Variants in CEP57L1 observed in about 807,000 individuals in gnomAD.
The protein encoded by CEP57L1 is centrosomal protein 57 like 1, also known as centrosomal protein CEP57L1.
Under a neutral mutation model 61.0 loss-of-function variants are expected in CEP57L1, and 37 were observed. The ratio of observed to expected loss-of-function variants is 0.61; its 90% CI spans 0.47 to 0.80. CEP57L1 has a LOEUF of 0.80. CEP57L1 is among the 30% of genes least tolerant of loss of function. The pLI is 0.00. For missense variants in CEP57L1, 422 were observed against 524.7 expected, an observed-to-expected ratio of 0.80 and a Z score of 1.91; for synonymous variants, 137 against 162.3, an observed-to-expected ratio of 0.84 and a Z score of 1.19.
chr6:109,104,828 C>G (rs1431034617), intron 1 of CEP57L1, among the ~76,000 whole-genome samples: 1 of 152,072 alleles, frequency 6.6e-6, no homozygotes, highest in Non-Finnish European at 1.5e-5. Flanking sequence ...CTCAAGAAGT[C>G]CTCCCACCTC....
intron 1 of CEP57L1, among the ~76,000 whole-genome samples, chr6:109,117,133 A>AAT (rs1168532387): frequency 2.0e-5 from 3 of 152,084 alleles, no homozygotes; most frequent in Non-Finnish European, 4.4e-5. Context: ...TATAATCAGA[A>AAT]ATATATATAT....
chr6:109,095,250 A>T, upstream of CEP57L1: 4 of 985,588 alleles, frequency 4.1e-6, no homozygotes, highest in Non-Finnish European at 4.8e-6. Context: ...GGGAAGGAAA[A>T]AGTAAGACGT....
intron 1 of CEP57L1, among the ~76,000 whole-genome samples, chr6:109,111,275 T>C (rs1328526559): frequency 6.6e-6 from 1 of 152,224 alleles, no homozygotes; most frequent in Non-Finnish European, 1.5e-5. Context: ...GGTATTTTTT[T>C]CTTTTTGTAG....
At chr6:109,121,278 C>T (rs994171802) in intron 1 of CEP57L1, among the ~76,000 whole-genome samples, 1 of 152,160 alleles carries the variant, frequency 6.6e-6, no homozygotes, top group African/African-American at 2.4e-5. Flanking sequence ...GGATGATGTG[C>T]TTGCTGTACA....
At position 109,165,114 on chromosome 6, in the gene CEP57L1, T is replaced by C. The variant is rs577703531; in HGVS notation, c.*2144T>C. Among the ~76,000 whole-genome samples, 2 of 151,466 alleles carry C rather than the reference T, an allele frequency of 1.3e-5. No individual in the cohort carries two copies. Among genetic ancestry groups the C allele is most frequent in the Non-Finnish European group, 2.9e-5 (2 of 67,918 alleles). ...AAAAATTAAAACCATTTTAGGAACA[T>C]GGAATATTTCAACTGAGAATTTTCT... On this transcript the variant is annotated 3_prime_UTR_variant, in exon 11 of 11. Transcript: ENST00000517392.
intron 1 of CEP57L1, among the ~76,000 whole-genome samples, chr6:109,111,546 C>T (rs1771624833): frequency 6.6e-6 from 1 of 152,172 alleles, no homozygotes; most frequent in Non-Finnish European, 1.5e-5. Flanking sequence ...CTGGCCAGAA[C>T]TTCCAATACT....
rs1005482481 is a variant in CEP57L1, at chr6:109,165,851, A to T, written c.*2881A>T. On this transcript the variant is annotated 3_prime_UTR_variant, in exon 11 of 11. Transcript: ENST00000517392. The stretch of plus-strand genomic sequence containing the variant: ...TGGTCAGTGTAAGAGTTGCTGTAGC[A>T]ACCTCACAGCTGTGCTCTGTCTAGC... 5.9e-5 allele frequency: 9 copies of T among 152,220 alleles called. No homozygotes were observed. The highest frequency in any genetic ancestry group is 4.4e-5 in the Non-Finnish European group (3 of 68,034). The allele number at this position is 152,220 out of a possible 1,614,324, so 9.4% of individuals were successfully genotyped here.
chr6:109,111,876 A>G (rs1354677603), intron 1 of CEP57L1, among the ~76,000 whole-genome samples: 3 of 152,212 alleles, frequency 2.0e-5, no homozygotes, highest in Admixed American at 6.5e-5. Context: ...GATGAAGCCA[A>G]CTTGATCGTG....
chr6:109,125,524 A>ATATATACACATATATATATATAT (rs1562524338), intron 1 of CEP57L1, among the ~76,000 whole-genome samples: 1 of 143,000 alleles, frequency 7.0e-6, no homozygotes, highest in African/African-American at 2.6e-5. Context: ...ATATATATAT[A>ATATATACACATATATATATATAT]TTTTTTTTTT....
At chr6:109,129,055 C>G (rs1386396001) in intron 1 of CEP57L1, among the ~76,000 whole-genome samples, 1 of 152,068 alleles carries the variant, frequency 6.6e-6, no homozygotes, top group Non-Finnish European at 1.5e-5. Flanking sequence ...AAAAAATTAG[C>G]CAGGCATGGT....
intron 1 of CEP57L1, among the ~76,000 whole-genome samples, chr6:109,115,538 A>G (rs1331328156): frequency 6.6e-6 from 1 of 152,182 alleles, no homozygotes; most frequent in Non-Finnish European, 1.5e-5. Flanking sequence ...GTGTGCACTC[A>G]GGGAATGCAA....
intron 1 of CEP57L1, among the ~76,000 whole-genome samples, chr6:109,100,813 T>C (rs1357892163): frequency 6.6e-6 from 1 of 151,934 alleles, no homozygotes; most frequent in East Asian, 1.9e-4. Context: ...ATATTCATAA[T>C]GTCTGCTTTT....
intron 4 of CEP57L1, among the ~76,000 whole-genome samples, chr6:109,152,644 T>C (rs62427223): frequency 1.3e-3 from 2 of 1,508 alleles, no homozygotes; most frequent in Admixed American, 0.014. Context: ...TGCGTGTGTG[T>C]GTGTGTGTGT....
intron 1 of CEP57L1, among the ~76,000 whole-genome samples, chr6:109,132,449 G>T (rs770132911): frequency 1.3e-5 from 2 of 152,022 alleles, no homozygotes; most frequent in Non-Finnish European, 2.9e-5. Context: ...CTTACCACAG[G>T]TTTTTCATTG....
rs1045132833 is a variant in CEP57L1, at chr6:109,166,534, C to T, written c.*3564C>T. ...GAGTAGCTGGAATTACAGGCACCTG[C>T]CATACACCCAGCTAATTTTTGTATT... On this transcript the variant is annotated 3_prime_UTR_variant, in exon 11 of 11. Transcript: ENST00000517392. Among the ~76,000 whole-genome samples the T allele has an allele frequency of 3.3e-5, 5 of 151,938 alleles. No homozygotes were observed. The highest frequency in any genetic ancestry group is 9.7e-5 in the African/African-American group (4 of 41,362).
chr6:109,103,724 A>G (rs1341585043), intron 1 of CEP57L1, among the ~76,000 whole-genome samples: 1 of 152,140 alleles, frequency 6.6e-6, no homozygotes, highest in Non-Finnish European at 1.5e-5. Flanking sequence ...TTAAAAACCA[A>G]TAATTGTTGA....
intron 9 of CEP57L1, among the ~76,000 whole-genome samples, chr6:109,159,787 C>CGAAA (rs1773563390): frequency 6.6e-6 from 1 of 152,012 alleles, no homozygotes; most frequent in Admixed American, 6.5e-5. Flanking sequence ...ACTACTTTTT[C>CGAAA]ATTCTTAGGT....
chr6:109,160,997 C>A (rs1773670464), intron 10 of CEP57L1, among the ~76,000 whole-genome samples: 1 of 152,152 alleles, frequency 6.6e-6, no homozygotes, highest in Admixed American at 6.6e-5. Context: ...ACTAAACTTG[C>A]CTTAGCAGCC....
intron 1 of CEP57L1, among the ~76,000 whole-genome samples, chr6:109,120,470 G>T (rs1772819323): frequency 6.6e-6 from 1 of 152,122 alleles, no homozygotes; most frequent in Non-Finnish European, 1.5e-5. Context: ...TGTTGAAGAT[G>T]ATTATCTTCA....
Sources: allele counts gnomAD v4.1 joint callset (sites outside exome capture counted in the v4.1 genomes callset), GRCh38; gene constraint gnomAD v4.1.1; transcripts MANE v1.5; gene names NCBI Gene and HGNC (gene_info 2026-07-23, HGNC 2026-07-21).